RBFOX3: variants seen among roughly 807,000 people sequenced by gnomAD.
RBFOX3 encodes RNA binding protein fox-1 homolog 3.
Under a neutral mutation model 48.7 loss-of-function variants are expected in RBFOX3, and 17 were observed. The ratio of observed to expected loss-of-function variants is 0.35; its 90% CI spans 0.24 to 0.52. The LOEUF is 0.52. Among genes scored for constraint, RBFOX3 ranks in the 20% least tolerant of loss-of-function variants. The pLI is 0.94. For synonymous variants in RBFOX3, 212 were observed against 209.5 expected (o/e 1.01, Z -0.10); for missense variants, 382 against 497.5 (o/e 0.77, Z 2.21).
intron 2 of RBFOX3, among the ~76,000 whole-genome samples, chr17:79,424,282 C>T (rs148515332): frequency 0.01 from 1,532 of 152,318 alleles, 19 homozygotes; most frequent in Non-Finnish European, 0.017. Flanking sequence ...GCCTCCCGCC[C>T]GTCCCAGGAG....
chr17:79,650,005 CT>C, the RBFOX3 span, among the ~76,000 whole-genome samples: 5 of 152,180 alleles, frequency 3.3e-5, no homozygotes, highest in African/African-American at 4.8e-5. Flanking sequence ...AACCGGCCCC[CT>C]GATCCAATCA....
intron 1 of RBFOX3, among the ~76,000 whole-genome samples, chr17:79,513,622 T>C (rs1195460357): frequency 1.3e-5 from 2 of 152,194 alleles, no homozygotes; most frequent in African/African-American, 4.8e-5. Context: ...TGAGTTTGAA[T>C]CACAGCTCTG....
chr17:79,495,536 GT>G, intron 1 of RBFOX3, among the ~76,000 whole-genome samples: 2 of 24,304 alleles, frequency 8.2e-5, no homozygotes. Context: ...GGTGCAGAGG[GT>G]GGGGAGGTGG....
intron 4 of RBFOX3, among the ~76,000 whole-genome samples, chr17:79,123,475 C>T (rs1415963218): frequency 6.6e-6 from 1 of 151,874 alleles, no homozygotes; most frequent in Non-Finnish European, 1.5e-5. Flanking sequence ...TCTGCCTCTG[C>T]CCCCAGAACT....
At chr17:79,138,844 C>T (rs1302146381) in intron 4 of RBFOX3, among the ~76,000 whole-genome samples, 2 of 131,514 alleles carry the variant, frequency 1.5e-5, no homozygotes, top group Non-Finnish European at 3.2e-5. Context: ...CACATGCACA[C>T]AGCACATGCA....
At chr17:79,354,311 T>C (rs1182085285) in intron 2 of RBFOX3, among the ~76,000 whole-genome samples, 1 of 152,232 alleles carries the variant, frequency 6.6e-6, no homozygotes, top group African/African-American at 2.4e-5. Flanking sequence ...CTGTAGGCAC[T>C]GGGGCCACAT....
intron 3 of RBFOX3, among the ~76,000 whole-genome samples, chr17:79,277,887 TG>T (rs1411281792): frequency 1.3e-5 from 2 of 152,114 alleles, no homozygotes; most frequent in Non-Finnish European, 2.9e-5. Context: ...CTCACGGGGA[TG>T]GGAGGTTGTC....
At chr17:79,504,003 G>T (rs1199512214) in intron 1 of RBFOX3, among the ~76,000 whole-genome samples, 1 of 67,954 alleles carries the variant, frequency 1.5e-5, no homozygotes, top group Non-Finnish European at 3.8e-5. Flanking sequence ...GGGGTGGCAG[G>T]GTGCTCCAGG....
chr17:79,418,762 G>A lies in RBFOX3; in HGVS notation c.-175+63692C>T, dbSNP rs1374173873. On this transcript the variant is annotated intron_variant, in intron 2 of 14. Transcript: ENST00000693108. This position sits in a 1 kb window ranked among gnomAD's most constrained non-coding sequence, Gnocchi z 5.0. ...TGCTTGAGAAGGAGGTTTGGGAGAG[G>A]AATTCCTTCCCAAAAAGTGAGGGAG... Among the ~76,000 whole-genome samples, 1 of 152,000 alleles carries A rather than the reference G, an allele frequency of 6.6e-6. No homozygotes were observed. The highest frequency in any genetic ancestry group is 1.5e-5 in the Non-Finnish European group (1 of 68,014).
chr17:79,650,263 C>T, the RBFOX3 span, among the ~76,000 whole-genome samples: 1 of 152,092 alleles, frequency 6.6e-6, no homozygotes, highest in Non-Finnish European at 1.5e-5. Context: ...GAAGCAGAAA[C>T]AGAATGAATT....
intron 2 of RBFOX3, among the ~76,000 whole-genome samples, chr17:79,319,502 G>C (rs2078089467): frequency 6.6e-6 from 1 of 151,148 alleles, no homozygotes; most frequent in South Asian, 2.1e-4. Flanking sequence ...TGGGCAGATT[G>C]GTCTTGTCTG....
chr17:79,285,224 G>A (rs2071585144), intron 3 of RBFOX3, among the ~76,000 whole-genome samples: 1 of 152,190 alleles, frequency 6.6e-6, no homozygotes, highest in African/African-American at 2.4e-5. Flanking sequence ...CTGAGAAGCT[G>A]TCAGTGGCGC....
chr17:79,370,755 G>A (rs902514078), intron 2 of RBFOX3, among the ~76,000 whole-genome samples: 3 of 151,938 alleles, frequency 2.0e-5, no homozygotes, highest in Non-Finnish European at 2.9e-5. Context: ...ACAGGCCTAC[G>A]CTCACATACA....
the RBFOX3 span, among the ~76,000 whole-genome samples, chr17:79,623,022 G>C: frequency 6.6e-6 from 1 of 151,882 alleles, no homozygotes; most frequent in Non-Finnish European, 1.5e-5. Flanking sequence ...CAGACCCTCA[G>C]CTCCCTCCCC....
intron 2 of RBFOX3, among the ~76,000 whole-genome samples, chr17:79,397,732 G>GCT (rs1305966683): frequency 6.6e-6 from 1 of 152,130 alleles, no homozygotes; most frequent in Non-Finnish European, 1.5e-5. Flanking sequence ...AGTCACGGCA[G>GCT]GGACCTGTTA....
At chr17:79,596,824 G>A (rs1162553792) in intron 1 of RBFOX3, among the ~76,000 whole-genome samples, 2 of 152,194 alleles carry the variant, frequency 1.3e-5, no homozygotes, top group Non-Finnish European at 2.9e-5. Flanking sequence ...GGCCCAGAGG[G>A]AGGCTTTGTG....
chr17:79,417,472 G>A (rs527418726), intron 2 of RBFOX3, among the ~76,000 whole-genome samples: 42 of 152,318 alleles, frequency 2.8e-4, no homozygotes, highest in Non-Finnish European at 5.1e-4. Flanking sequence ...TTCTTTCTCA[G>A]AGGAACATGC....
intron 2 of RBFOX3, among the ~76,000 whole-genome samples, chr17:79,326,321 G>A (rs949054268): frequency 2.6e-5 from 4 of 152,050 alleles, no homozygotes; most frequent in South Asian, 2.1e-4. Flanking sequence ...CTCCCTTCTC[G>A]CCCTGCACGG....
chr17:79,357,314 C>G (rs2085347501), intron 2 of RBFOX3, among the ~76,000 whole-genome samples: 1 of 152,216 alleles, frequency 6.6e-6, no homozygotes, highest in Non-Finnish European at 1.5e-5. Context: ...AAAAGTAAAG[C>G]TTCATTCCAA....
Sources: gnomAD v4.1 joint callset for allele counts (sites outside exome capture counted in the v4.1 genomes callset) on GRCh38, gnomAD v4.1.1 for gene constraint, Gnocchi (gnomAD v3.1) non-coding constraint, MANE v1.5 for transcripts, NCBI Gene and HGNC (gene_info 2026-07-23, HGNC 2026-07-21) for gene names.